Variants in NTNG1 observed in about 807,000 individuals in gnomAD.
NTNG1 encodes the protein netrin-G1.
NTNG1 carries 16 observed loss-of-function variants against 54.0 expected under a neutral mutation model. The ratio of observed to expected loss-of-function variants is 0.30; its 90% CI spans 0.20 to 0.45. NTNG1 has a LOEUF of 0.45. Ranked by LOEUF, NTNG1 falls within the 20% of genes least tolerant of loss-of-function variation. NTNG1 has a pLI of 1.00. For missense variants in NTNG1, 530 were observed against 678.7 expected (o/e 0.78, Z 2.43); for synonymous variants, 255 against 263.1 (o/e 0.97, Z 0.30).
chr1:107,209,149 C>T (rs934431511), intron 2 of NTNG1, among the ~76,000 whole-genome samples: 2 of 151,834 alleles, frequency 1.3e-5, no homozygotes, highest in African/African-American at 4.8e-5. Context: ...GCAAATACCC[C>T]ATAGCATTTG....
At chr1:107,148,873 T>C (rs1433957169) in intron 2 of NTNG1, 34 bp downstream of exon 2, 1 of 1,600,680 alleles carries the variant, frequency 6.2e-7, no homozygotes, top group Non-Finnish European at 8.5e-7. Flanking sequence ...ATATTTCATA[T>C]AAATAGGGTC....
intron 3 of NTNG1, among the ~76,000 whole-genome samples, chr1:107,338,995 G>C (rs1431867024): frequency 6.6e-6 from 1 of 151,900 alleles, no homozygotes; most frequent in Non-Finnish European, 1.5e-5. Flanking sequence ...AAATTGTAAA[G>C]CTTCAATAGA....
At chr1:107,226,388 T>A (rs1262310047) in intron 2 of NTNG1, among the ~76,000 whole-genome samples, 4 of 152,178 alleles carry the variant, frequency 2.6e-5, no homozygotes, top group Non-Finnish European at 5.9e-5. Context: ...AATGCCATGT[T>A]CATGTTCCTT....
intron 1 of NTNG1, among the ~76,000 whole-genome samples, chr1:107,144,010 T>A (rs1653931102): frequency 6.6e-6 from 1 of 152,140 alleles, no homozygotes; most frequent in Non-Finnish European, 1.5e-5. Context: ...GTGAGTAAGC[T>A]ATGCCAATGA....
chr1:107,346,789 A>G, intron 3 of NTNG1, among the ~76,000 whole-genome samples: 1 of 146,876 alleles, frequency 6.8e-6, no homozygotes, highest in East Asian at 2.1e-4. Flanking sequence ...CTTATTTTGT[A>G]TATGCATTTG....
chr1:107,311,522 G>A (rs938149419), intron 2 of NTNG1, among the ~76,000 whole-genome samples: 2 of 151,996 alleles, frequency 1.3e-5, no homozygotes, highest in Admixed American at 6.6e-5. Context: ...CTTGGAGTTG[G>A]ACTTTTTTTT....
chr1:107,217,610 C>T (rs1660059165), intron 2 of NTNG1, among the ~76,000 whole-genome samples: 1 of 152,160 alleles, frequency 6.6e-6, no homozygotes, highest in Non-Finnish European at 1.5e-5. Context: ...TTCCTCTTAG[C>T]ACTGACCTTG....
rs565854174 is a variant in NTNG1, at chr1:107,141,298, G to A, written c.-526+158G>A. The A allele has an allele frequency of 2.7e-5, 4 of 150,706 alleles. No individual in the cohort carries two copies. The East Asian group carries it at 7.9e-4, about 30-fold the overall frequency. The allele number at this position is 150,706 out of a possible 1,614,324, so 9.3% of individuals were successfully genotyped here. ...CCTCCCGCTCCGCCCGCTCCCGCCT[G>A]GGGAGGAGGCTCCGCGGGAGCTGCC... On this transcript the variant is annotated intron_variant, in intron 1 of 7. Transcript: ENST00000370068.
At chr1:107,468,820 G>A (rs1012877557) in intron 7 of NTNG1, among the ~76,000 whole-genome samples, 3 of 149,252 alleles carry the variant, frequency 2.0e-5, no homozygotes, top group African/African-American at 4.9e-5. Context: ...TAGGAAGGCC[G>A]GGTGTGGTGG....
chr1:107,224,474 G>A (rs1660550592), intron 2 of NTNG1, among the ~76,000 whole-genome samples: 1 of 152,260 alleles, frequency 6.6e-6, no homozygotes. Context: ...CATGTAATGA[G>A]TTTCAGTTTT....
chr1:107,152,888 A>C (rs191535981), intron 2 of NTNG1, among the ~76,000 whole-genome samples: 14 of 152,336 alleles, frequency 9.2e-5, no homozygotes, highest in African/African-American at 2.9e-4. Context: ...GTTTACTGAA[A>C]TAATTAAAAG....
rs570074331 is a variant in NTNG1 at position 107,436,902 on chromosome 1, C to T, written c.1390+103C>T. ...TCTCAGAGCAGAAAAAGATCCAAACCGCTGACAAGTTTTAAAAGCTACTTA... is the reference window on the plus strand; with the variant it reads ...TCTCAGAGCAGAAAAAGATCCAAACTGCTGACAAGTTTTAAAAGCTACTTA... On this transcript the variant is annotated intron_variant, in intron 7 of 7. Transcript: ENST00000370068. 61 of 1,079,190 alleles carry T rather than the reference C, an allele frequency of 5.7e-5. No homozygotes were observed. In the African/African-American group the frequency reaches 8.8e-4, roughly 16 times the overall value. 66.9% of individuals were successfully genotyped at this position (1,079,190 alleles called of 1,614,324 possible).
At chr1:107,249,062 G>T (rs1662394762) in intron 2 of NTNG1, among the ~76,000 whole-genome samples, 1 of 151,392 alleles carries the variant, frequency 6.6e-6, no homozygotes, top group African/African-American at 2.4e-5. Flanking sequence ...GGGAGGCTGA[G>T]GCAGGAGAAT....
chr1:107,171,098 C>T (rs1486051312), intron 2 of NTNG1, among the ~76,000 whole-genome samples: 2 of 152,116 alleles, frequency 1.3e-5, no homozygotes, highest in African/African-American at 4.8e-5. Flanking sequence ...TTTAGCATGA[C>T]ATTTTCTATA....
chr1:107,402,060 A>C (rs1673074845), intron 4 of NTNG1, among the ~76,000 whole-genome samples: 1 of 152,190 alleles, frequency 6.6e-6, no homozygotes, highest in Non-Finnish European at 1.5e-5. Flanking sequence ...TGGAGACAGC[A>C]GCTATGTAGG....
chr1:107,199,727 C>T (rs1315562622), intron 2 of NTNG1, among the ~76,000 whole-genome samples: 1 of 151,830 alleles, frequency 6.6e-6, no homozygotes, highest in African/African-American at 2.4e-5. Context: ...CCTCCTCTCG[C>T]GTAGATACTT....
intron 1 of NTNG1, among the ~76,000 whole-genome samples, chr1:107,142,088 T>C (rs1312176160): frequency 6.6e-6 from 1 of 152,132 alleles, no homozygotes; most frequent in Admixed American, 6.5e-5. Flanking sequence ...GAATATTCTC[T>C]CATATTCTTT....
chr1:107,450,445 A>G (rs763862222), intron 7 of NTNG1, among the ~76,000 whole-genome samples: 6 of 152,140 alleles, frequency 3.9e-5, no homozygotes, highest in Non-Finnish European at 8.8e-5. Context: ...CAGTAAGATA[A>G]TAAAACTATA....
chr1:107,395,401 TG>T (rs1672625614), intron 4 of NTNG1, 75 bp downstream of exon 4: 2 of 1,325,508 alleles, frequency 1.5e-6, no homozygotes, highest in Admixed American at 3.4e-5. Context: ...TGCTTACAAT[TG>T]TGATTTTATT....
Sources: allele counts gnomAD v4.1 joint callset (sites outside exome capture counted in the v4.1 genomes callset), GRCh38; gene constraint gnomAD v4.1.1; transcripts MANE v1.5; gene names NCBI Gene and HGNC (gene_info 2026-07-23, HGNC 2026-07-21).